MYH15: variants seen among roughly 807,000 people sequenced by gnomAD.
The protein encoded by MYH15 is myosin heavy chain 15.
MYH15 carries 227 observed loss-of-function variants against 240.5 expected under a neutral mutation model. That is an observed-to-expected ratio of 0.94 (90% CI 0.85 to 1.05). The LOEUF is 1.05. MYH15 is among the 50% of genes least tolerant of loss of function. MYH15 has a pLI of 0.00. For missense variants in MYH15, 2,217 were observed against 2,247.5 expected (o/e 0.99, Z 0.27); for synonymous variants, 785 against 796.7 (o/e 0.99, Z 0.25).
chr3:108,534,367 G>A, the MYH15 span, among the ~76,000 whole-genome samples: 194 of 152,206 alleles, frequency 1.3e-3, no homozygotes, highest in African/African-American at 4.4e-3. Context: ...GATGTCTCAC[G>A]AATGCTCTAT....
chr3:108,499,063 T>C (rs1400495735), intron 5 of MYH15, among the ~76,000 whole-genome samples: 3 of 152,240 alleles, frequency 2.0e-5, no homozygotes, highest in African/African-American at 7.2e-5. Context: ...CCAATCTGGC[T>C]GCCCACAACT....
At chr3:108,452,155 T>C (rs1053338171) in intron 21 of MYH15, among the ~76,000 whole-genome samples, 2 of 151,972 alleles carry the variant, frequency 1.3e-5, no homozygotes, top group Non-Finnish European at 2.9e-5. Context: ...TGGTGGAGAG[T>C]ATGATATATT....
intron 1 of MYH15, among the ~76,000 whole-genome samples, chr3:108,509,970 A>G (rs2948641): frequency 1 from 152,075 of 152,290 alleles, 75,930 homozygotes; most frequent in Middle Eastern, 1. Context: ...TCCAACATCA[A>G]AAAATTCTGG....
chr3:108,544,348 A>C, the MYH15 span, among the ~76,000 whole-genome samples: 13 of 152,206 alleles, frequency 8.5e-5, no homozygotes, highest in African/African-American at 3.1e-4. Flanking sequence ...GCATAAAGAA[A>C]TAAATTTGAT....
chr3:108,381,694 G>T, intron 40 of MYH15, 135 bp from the exon 41 acceptor site: 1 of 966,392 alleles, frequency 1.0e-6, no homozygotes, highest in Non-Finnish European at 1.7e-6. Flanking sequence ...TCAAAGGGAG[G>T]CAGGGAATTG....
At chr3:108,463,427 C>T (rs1320745581) in intron 15 of MYH15, among the ~76,000 whole-genome samples, 184 bp from the exon 16 acceptor site, 1 of 152,014 alleles carries the variant, frequency 6.6e-6, no homozygotes, top group East Asian at 1.9e-4. Flanking sequence ...CAATCCTTCC[C>T]CCTCAGCCTC....
intron 6 of MYH15, among the ~76,000 whole-genome samples, chr3:108,496,104 C>T (rs2083387196): frequency 6.6e-6 from 1 of 152,162 alleles, no homozygotes; most frequent in African/African-American, 2.4e-5. Context: ...CGTTTATTTG[C>T]AATGCTTCTT....
Position 108,455,783 on chromosome 3 carries a change from C to T in MYH15, c.2215G>A (p.Gly739Ser), listed in dbSNP as rs953904162. Residue 739 changes from glycine (G) to serine (S), a missense_variant, in exon 20 of 41, where the codon GGC (glycine) becomes AGC (serine). Physicochemically the swap from Gly to Ser is moderately conservative, Grantham distance 56. Coordinates refer to ENST00000693548, the MANE Select transcript of MYH15 (RefSeq NM_014981.3). ...SSRKAAEELL[G>S]SLEIDHTQYR... ...TGGGTATGGTCTATCTCCAAGGAGC[C>T]AAGTAATTCTTCAGCTGCTTTTCTG... 2 of 1,613,606 alleles carry T rather than the reference C, an allele frequency of 1.2e-6. No homozygotes were observed. The highest frequency in any genetic ancestry group is 1.7e-6 in the Non-Finnish European group (2 of 1,179,728).
Position 108,456,794 on chromosome 3 carries a change from G to A in MYH15, c.2110C>T (p.Arg704Ter), listed in dbSNP as rs372960265. The change falls in exon 19 of 41, where the codon CGA (arginine) becomes TGA (stop). Residue 704 changes from arginine (R) to a stop codon, truncating the protein, a stop_gained. Transcript: ENST00000693548. LOFTEE classifies it high-confidence loss of function. The part of the protein sequence containing the change: ...TRICREGFPN[R>*]LQYADFKQRY... Reference sequence around the variant, plus strand: ...TGTTTAAAATCAGCATACTGCAGTCGGTTTGGAAAACCTTCACGGCATATC... The same window carrying A: ...TGTTTAAAATCAGCATACTGCAGTCAGTTTGGAAAACCTTCACGGCATATC... The A allele has an allele frequency of 9.7e-5, 156 of 1,612,854 alleles. 4 individuals carry two copies. The South Asian group carries it at 1.1e-3, about 11-fold the overall frequency.
intron 14 of MYH15, among the ~76,000 whole-genome samples, chr3:108,465,957 C>T (rs11718605): frequency 0.13 from 19,792 of 152,106 alleles, 1,692 homozygotes; most frequent in East Asian, 0.41. Context: ...AAAAATGTTA[C>T]TGCAAATCTC....
intron 2 of MYH15, among the ~76,000 whole-genome samples, chr3:108,502,517 G>A (rs1343550302): frequency 6.6e-6 from 1 of 151,916 alleles, no homozygotes; most frequent in Non-Finnish European, 1.5e-5. Flanking sequence ...TGATGTTGTT[G>A]TCATAATAAC....
chr3:108,531,655 T>C (rs2083710920), upstream of MYH15, among the ~76,000 whole-genome samples: 1 of 152,006 alleles, frequency 6.6e-6, no homozygotes, highest in Admixed American at 6.6e-5. Context: ...TGGGCACCCA[T>C]AGTCCCAGCT....
intron 36 of MYH15, among the ~76,000 whole-genome samples, chr3:108,393,346 T>A (rs1032891123): frequency 1.4e-4 from 21 of 151,892 alleles, no homozygotes; most frequent in Non-Finnish European, 2.2e-4. Flanking sequence ...CACACAAACC[T>A]CCCCCTCCAC....
rs1560344099 is a variant in MYH15, at chr3:108,421,192, G to C, written c.3725C>G (p.Thr1242Ser). ...RAKANAEKLC[T>S]LYEERLHEAT... ...TTCATGCAAGCGCTCTTCATATAGA[G>C]TACAGAGTTTCTCAGCATTTGCCTA... The change falls in exon 28 of 41, where the codon ACT becomes AGT. Residue 1242 changes from threonine to serine, a missense_variant. Transcript: ENST00000693548. 2 of 1,613,344 alleles carry C rather than the reference G, an allele frequency of 1.2e-6. No homozygotes were observed. The highest frequency in any genetic ancestry group is 1.7e-6 in the Non-Finnish European group (2 of 1,179,922).
chr3:108,416,660 G>C (rs2082635426), intron 29 of MYH15, 152 bp downstream of exon 29: 2 of 661,276 alleles, frequency 3.0e-6, no homozygotes, highest in Admixed American at 5.8e-5. Flanking sequence ...TCAGTCATCA[G>C]GGTTCTTCCT....
chr3:108,534,394 A>T, the MYH15 span, among the ~76,000 whole-genome samples: 1 of 152,206 alleles, frequency 6.6e-6, no homozygotes, highest in Non-Finnish European at 1.5e-5. Context: ...AATGACATTT[A>T]AAGCTAAATT....
chr3:108,391,791 C>G lies in MYH15; in HGVS notation c.5399G>C (p.Ser1800Thr). ...TTCTAGTTTCTGGATTTGCTTTCTACTCCCCATCAGGGCCATCTGTTCAGC... is the reference window on the plus strand; with the variant it reads ...TTCTAGTTTCTGGATTTGCTTTCTAGTCCCCATCAGGGCCATCTGTTCAGC... ...AEAEQMALMGSRKQIQKLESR... is the reference protein window; with the variant it reads ...AEAEQMALMGTRKQIQKLESR... The change falls in exon 37 of 41, where the codon AGT becomes ACT. Residue 1800 changes from serine (S) to threonine (T), a missense_variant. Physicochemically the swap from Ser to Thr is moderately conservative, Grantham distance 58. Coordinates refer to ENST00000693548, the MANE Select transcript of MYH15 (RefSeq NM_014981.3). 6.2e-7 allele frequency: 1 copy of G among 1,614,016 alleles called. No homozygotes were observed. The highest frequency in any genetic ancestry group is 8.5e-7 in the Non-Finnish European group (1 of 1,179,962).
At position 108,383,740 on chromosome 3, in the gene MYH15, A is replaced by T. The variant is rs755817806; in HGVS notation, c.5632-11T>A. On this transcript the variant is annotated splice_polypyrimidine_tract_variant and intron_variant, in intron 39 of 40. Coordinates refer to ENST00000693548, the MANE Select transcript of MYH15 (RefSeq NM_014981.3). ...ATTGGCTTGTGTTTCCTATAAAAAT[A>T]AAAAAAAAAAAAAAGAAATCTCCAT... The T allele has an allele frequency of 7.8e-6, 6 of 771,620 alleles. No homozygotes were observed. Among genetic ancestry groups the T allele is most frequent in the South Asian group, 2.2e-5 (1 of 45,108 alleles). 47.8% of individuals were successfully genotyped at this position (771,620 alleles called of 1,614,324 possible).
chr3:108,523,536 ATAAT>A (rs1198078602), intron 1 of MYH15, among the ~76,000 whole-genome samples: 1 of 151,968 alleles, frequency 6.6e-6, no homozygotes, highest in Non-Finnish European at 1.5e-5. Flanking sequence ...TAAATAACAT[ATAAT>A]TAATTTTACA....
Sources: allele counts gnomAD v4.1 joint callset (sites outside exome capture counted in the v4.1 genomes callset), GRCh38; gene constraint gnomAD v4.1.1; transcripts MANE v1.5; gene names NCBI Gene and HGNC (gene_info 2026-07-23, HGNC 2026-07-21).